The following SPOCK1 variants were observed in gnomAD, a reference collection of about 807,000 sequenced individuals.
SPOCK1 encodes testican-1.
Under a neutral mutation model 55.3 loss-of-function variants are expected in SPOCK1, and 23 were observed. The ratio of observed to expected loss-of-function variants is 0.42; its 90% CI spans 0.30 to 0.59. The LOEUF is 0.59. Ranked by LOEUF, SPOCK1 falls within the 20% of genes least tolerant of loss-of-function variation. The probability of loss-of-function intolerance (pLI) is 0.22; values close to 1 mark genes in which losing one functional copy is unlikely to be tolerated. For synonymous variants in SPOCK1, 226 were observed against 221.0 expected (o/e 1.02, Z -0.20); for missense variants, 499 against 552.5 (o/e 0.90, Z 0.97).
chr5:137,089,000 T>C (rs1223334729), intron 5 of SPOCK1, among the ~76,000 whole-genome samples: 1 of 152,150 alleles, frequency 6.6e-6, no homozygotes, highest in African/African-American at 2.4e-5. Flanking sequence ...AGGAGAAGCA[T>C]AGTCAACATG....
At chr5:137,096,284 C>T (rs1260050287) in intron 5 of SPOCK1, among the ~76,000 whole-genome samples, 2 of 150,378 alleles carry the variant, frequency 1.3e-5, no homozygotes, top group Non-Finnish European at 3.0e-5. Context: ...AAACAGTGAC[C>T]CTTCCCAAGA....
At chr5:137,498,255 C>T in intron 2 of SPOCK1, 118 bp downstream of exon 2, 3 of 1,048,176 alleles carry the variant, frequency 2.9e-6, no homozygotes, top group Non-Finnish European at 3.7e-6. Context: ...GCCCACCTGT[C>T]CCCCTCCCAA....
In SPOCK1 at chr5:137,302,291, T is replaced by C. The variant is rs186732714; in HGVS notation, c.187-35236A>G. ...AGCTCCTTTAAATCAGTTTATAGGC[T>C]GGGCGCGGTGGCTCACGCCTGTAAT... On this transcript the variant is annotated intron_variant, in intron 2 of 10. Transcript: ENST00000394945. Among the ~76,000 whole-genome samples, 124 of 152,126 alleles carry C rather than the reference T, an allele frequency of 8.2e-4. 1 individual carries two copies. Among genetic ancestry groups the C allele is most frequent in the South Asian group, 5.2e-3 (25 of 4,816 alleles).
intron 6 of SPOCK1, among the ~76,000 whole-genome samples, chr5:137,014,126 G>C (rs1471769107): frequency 1.3e-5 from 2 of 152,044 alleles, no homozygotes; most frequent in Non-Finnish European, 2.9e-5. Context: ...TGCAAGATCT[G>C]GTCATTTAAA....
At chr5:137,424,961 G>T (rs1169513207) in intron 2 of SPOCK1, among the ~76,000 whole-genome samples, 1 of 152,180 alleles carries the variant, frequency 6.6e-6, no homozygotes, top group African/African-American at 2.4e-5. Flanking sequence ...GCATTTTATT[G>T]CATATAAGTT....
At chr5:137,307,438 T>C (rs927486143) in intron 2 of SPOCK1, among the ~76,000 whole-genome samples, 1 of 152,244 alleles carries the variant, frequency 6.6e-6, no homozygotes, top group Non-Finnish European at 1.5e-5. Flanking sequence ...CAACATGTTC[T>C]GCCACACCAT....
At chr5:137,409,860 T>C (rs562426468) in intron 2 of SPOCK1, among the ~76,000 whole-genome samples, 2 of 152,336 alleles carry the variant, frequency 1.3e-5, no homozygotes, top group African/African-American at 2.4e-5. Context: ...AAAATAGACA[T>C]CTAGCCCTTA....
chr5:137,349,893 T>G (rs1413705845), intron 2 of SPOCK1, among the ~76,000 whole-genome samples: 1 of 152,164 alleles, frequency 6.6e-6, no homozygotes, highest in African/African-American at 2.4e-5. Flanking sequence ...AAGACTCTAT[T>G]TCCAAATTCT....
chr5:137,388,877 G>A (rs1245202203), intron 2 of SPOCK1, among the ~76,000 whole-genome samples: 3 of 152,174 alleles, frequency 2.0e-5, no homozygotes, highest in Non-Finnish European at 4.4e-5. Context: ...TCACAGCTGT[G>A]ACACTGACAA....
intron 2 of SPOCK1, among the ~76,000 whole-genome samples, chr5:137,271,899 C>A (rs1017180601): frequency 6.6e-6 from 1 of 152,126 alleles, no homozygotes; most frequent in African/African-American, 2.4e-5. Context: ...TGAACCCTGC[C>A]GTTTCATCTG....
chr5:137,124,346 G>A (rs953812863), intron 4 of SPOCK1, among the ~76,000 whole-genome samples: 2 of 152,136 alleles, frequency 1.3e-5, no homozygotes, highest in East Asian at 1.9e-4. Context: ...GACATAAAGC[G>A]AACCCCTGAG....
intron 5 of SPOCK1, among the ~76,000 whole-genome samples, chr5:137,088,123 A>C (rs1752992272): frequency 6.6e-6 from 1 of 152,120 alleles, no homozygotes. Context: ...GCTGGACTAG[A>C]TGAGCTCTAG....
At chr5:137,415,664 G>T (rs1278689737) in intron 2 of SPOCK1, among the ~76,000 whole-genome samples, 1 of 152,138 alleles carries the variant, frequency 6.6e-6, no homozygotes. Flanking sequence ...TCTCTACCTG[G>T]TCAACTGCCC....
chr5:137,229,067 G>A (rs891513075), intron 3 of SPOCK1, among the ~76,000 whole-genome samples: 1 of 152,152 alleles, frequency 6.6e-6, no homozygotes, highest in Admixed American at 6.5e-5. Flanking sequence ...TTTGTGGTCA[G>A]ACTGCAGCTG....
chr5:137,233,358 A>G (rs1055521431), intron 3 of SPOCK1, among the ~76,000 whole-genome samples: 1 of 152,164 alleles, frequency 6.6e-6, no homozygotes, highest in African/African-American at 2.4e-5. Context: ...AGATTCTCAT[A>G]AGAAGAGCAC....
At chr5:137,438,617 T>C (rs1403572696) in intron 2 of SPOCK1, among the ~76,000 whole-genome samples, 1 of 151,032 alleles carries the variant, frequency 6.6e-6, no homozygotes, top group Non-Finnish European at 1.5e-5. Flanking sequence ...GAAAACTTCA[T>C]TTCTAAAATT....
chr5:136,988,558 A>C lies in SPOCK1; in HGVS notation c.792T>G (p.Leu264=). The C allele has an allele frequency of 6.2e-7, 1 of 1,614,156 alleles. No individual in the cohort carries two copies. Among genetic ancestry groups the C allele is most frequent in the Non-Finnish European group, 8.5e-7 (1 of 1,180,002 alleles). The stretch of plus-strand genomic sequence containing the variant: ...AGATGGCATTGATCTCTGAAGGGTC[A>C]AGCAGGAGGTCATAGTTCATGTCCA... ...NKLDMNYDLL[L]DPSEINAIYL... The change falls in exon 8 of 11, where the codon CTT becomes CTG. Residue 264 remains leucine, a synonymous_variant. Coordinates refer to ENST00000394945, the MANE Select transcript of SPOCK1 (RefSeq NM_004598.4).
intron 7 of SPOCK1, among the ~76,000 whole-genome samples, chr5:136,990,345 C>CAAACT (rs1260687049): frequency 1.3e-5 from 2 of 151,634 alleles, no homozygotes; most frequent in African/African-American, 4.9e-5. Context: ...GCTTGTTAAT[C>CAAACT]AAACTATAGG....
intron 5 of SPOCK1, among the ~76,000 whole-genome samples, chr5:137,110,987 T>C (rs1430738936): frequency 6.6e-6 from 1 of 152,134 alleles, no homozygotes; most frequent in Non-Finnish European, 1.5e-5. Context: ...TTCTCCTTTG[T>C]TAGAAAAATG....
Sources: gnomAD v4.1 joint callset for allele counts (sites outside exome capture counted in the v4.1 genomes callset) on GRCh38, gnomAD v4.1.1 for gene constraint, MANE v1.5 for transcripts, NCBI Gene and HGNC (gene_info 2026-07-23, HGNC 2026-07-21) for gene names.